RAB39A: variants seen among roughly 807,000 people sequenced by gnomAD.
RAB39A encodes the protein RAB39A, member RAS oncogene family, also known as ras-related protein Rab-39A.
Under a neutral mutation model 20.9 loss-of-function variants are expected in RAB39A, and 17 were observed. That is an observed-to-expected ratio of 0.81 (90% CI 0.56 to 1.22). The LOEUF (loss-of-function observed/expected upper bound fraction) is 1.22, where lower values mean the gene tolerates loss of function less well. RAB39A is among the 50% of genes most tolerant of loss of function. The pLI, the probability that RAB39A is intolerant of heterozygous loss-of-function variation, is 0.00. For missense variants in RAB39A, 234 were observed against 270.5 expected, an observed-to-expected ratio of 0.87 and a Z score of 0.95; for synonymous variants, 99 against 103.4, an observed-to-expected ratio of 0.96 and a Z score of 0.26.
At chr11:107,937,248 C>T (rs1457141141) in intron 1 of RAB39A, among the ~76,000 whole-genome samples, 2 of 151,772 alleles carry the variant, frequency 1.3e-5, no homozygotes, top group African/African-American at 2.4e-5. Context: ...GATCCTCTTA[C>T]CTTAGCCTCC....
At chr11:107,937,998 TCA>T (rs1190436955) in intron 1 of RAB39A, among the ~76,000 whole-genome samples, 5 of 152,156 alleles carry the variant, frequency 3.3e-5, no homozygotes, top group African/African-American at 9.6e-5. Context: ...AAAGAGAAAT[TCA>T]CAGAGAAGGG....
intron 1 of RAB39A, among the ~76,000 whole-genome samples, chr11:107,938,128 C>T (rs1258605896): frequency 2.6e-5 from 4 of 151,610 alleles, no homozygotes; most frequent in South Asian, 2.1e-4. Flanking sequence ...TTTGGGAGGC[C>T]GAGCCGGGCG....
At chr11:107,944,442 T>C (rs1161537394) in intron 1 of RAB39A, among the ~76,000 whole-genome samples, 4 of 152,144 alleles carry the variant, frequency 2.6e-5, no homozygotes, top group South Asian at 2.1e-4. Flanking sequence ...CACAGACTTA[T>C]AGCAAAGAAA....
Position 107,962,036 on chromosome 11 carries a change from T to C in RAB39A, c.318T>C (p.Asp106=), listed in dbSNP as rs1227919225. The C allele has an allele frequency of 1.9e-6, 3 of 1,614,098 alleles. No individual in the cohort carries two copies. Residue 106 remains aspartate (D), a synonymous_variant, in exon 2 of 2, where the codon GAT becomes GAC. Coordinates refer to ENST00000320578, the MANE Select transcript of RAB39A (RefSeq NM_017516.3). ...GACGATCTTTTGAACATGTGAAAGA[T>C]TGGCTAGAAGAAGCAAAAATGTATG... The part of the protein sequence containing the change: ...TNRRSFEHVK[D]WLEEAKMYVQ...
At chr11:107,948,730 G>A (rs973648705) in intron 1 of RAB39A, among the ~76,000 whole-genome samples, 2 of 152,004 alleles carry the variant, frequency 1.3e-5, no homozygotes, top group Non-Finnish European at 2.9e-5. Context: ...GTGAGCCACC[G>A]CGCCCAGCTA....
chr11:107,946,394 A>ATGTGTG (rs1421648814), intron 1 of RAB39A, among the ~76,000 whole-genome samples: 4 of 38,446 alleles, frequency 1.0e-4, no homozygotes, highest in Non-Finnish European at 2.1e-4. Flanking sequence ...GTGGGTGTAT[A>ATGTGTG]TATGTGTGTG....
chr11:107,944,110 T>A (rs1422846227), intron 1 of RAB39A, among the ~76,000 whole-genome samples: 3 of 150,332 alleles, frequency 2.0e-5, no homozygotes, highest in Non-Finnish European at 4.4e-5. Flanking sequence ...AAAAAAAAAA[T>A]AATAATAGTA....
intron 1 of RAB39A, among the ~76,000 whole-genome samples, chr11:107,947,807 CAAAAAAAAA>C (rs35694249): frequency 2.2e-4 from 18 of 80,218 alleles, no homozygotes; most frequent in Admixed American, 3.8e-4. Flanking sequence ...CATCAACAGG[CAAAAAAAAA>C]AAAAAAAAAA....
At chr11:107,938,891 A>C (rs1157515724) in intron 1 of RAB39A, among the ~76,000 whole-genome samples, 1 of 152,090 alleles carries the variant, frequency 6.6e-6, no homozygotes, top group Non-Finnish European at 1.5e-5. Flanking sequence ...TTCTCCAATA[A>C]ATTAATTGGT....
intron 1 of RAB39A, among the ~76,000 whole-genome samples, chr11:107,941,064 G>A (rs1861253341): frequency 6.6e-6 from 1 of 152,070 alleles, no homozygotes; most frequent in Non-Finnish European, 1.5e-5. Flanking sequence ...AAGACATTAT[G>A]AAGAAAGATT....
intron 1 of RAB39A, among the ~76,000 whole-genome samples, chr11:107,960,840 GCAAA>G (rs1861489258): frequency 6.6e-6 from 1 of 152,164 alleles, no homozygotes; most frequent in Admixed American, 6.5e-5. Flanking sequence ...CCCAGCAGAA[GCAAA>G]CAGAGGGATA....
At chr11:107,957,987 G>C (rs1419574121) in intron 1 of RAB39A, among the ~76,000 whole-genome samples, 2 of 151,996 alleles carry the variant, frequency 1.3e-5, no homozygotes, top group African/African-American at 4.8e-5. Context: ...TGCCTCCTGG[G>C]TTCAAGCAAT....
rs1474145336 is a variant in RAB39A at position 107,928,970 on chromosome 11, T to G, written c.227+175T>G. ...TGCCCCTCCTCTTCCAGGGACGACT[T>G]CCTCCTCCGCAATTTCTCACTTCTT... On this transcript the variant is annotated intron_variant, in intron 1 of 1. Transcript: ENST00000320578. The surrounding 1 kb of genome is among the most constrained non-coding windows in gnomAD (Gnocchi z 4.9). Among the ~76,000 whole-genome samples the G allele has an allele frequency of 6.6e-6, 1 of 151,874 alleles. No homozygotes were observed. The highest frequency in any genetic ancestry group is 2.4e-5 in the African/African-American group (1 of 41,324).
intron 1 of RAB39A, 49 bp from the exon 2 acceptor site, chr11:107,961,897 A>G: frequency 7.0e-7 from 1 of 1,424,830 alleles, no homozygotes; most frequent in South Asian, 1.3e-5. Context: ...GAAGGAGAAG[A>G]AAAAGAACAA....
At chr11:107,942,620 C>T (rs1861270905) in intron 1 of RAB39A, among the ~76,000 whole-genome samples, 1 of 152,136 alleles carries the variant, frequency 6.6e-6, no homozygotes, top group Non-Finnish European at 1.5e-5. Flanking sequence ...TACCAACACT[C>T]AGCCTCATTT....
At chr11:107,929,065 C>T (rs1480660998) in intron 1 of RAB39A, among the ~76,000 whole-genome samples, 1 of 152,212 alleles carries the variant, frequency 6.6e-6, no homozygotes, top group African/African-American at 2.4e-5. Flanking sequence ...TCGTCCTCGC[C>T]GCCCCCTCTT....
chr11:107,943,488 G>A (rs954985486), intron 1 of RAB39A, among the ~76,000 whole-genome samples: 10 of 150,290 alleles, frequency 6.7e-5, no homozygotes, highest in African/African-American at 2.2e-4. Flanking sequence ...GCAGAATGGC[G>A]TGAACCTGGG....
chr11:107,933,542 G>A (rs181522294), intron 1 of RAB39A, among the ~76,000 whole-genome samples: 151 of 151,242 alleles, frequency 1.0e-3, no homozygotes, highest in Non-Finnish European at 1.6e-3. Flanking sequence ...ACAGCACCTG[G>A]CCAATTTTTG....
rs1565464307 is a variant in RAB39A at position 107,946,454 on chromosome 11, ATATATATTTT to A, written c.228-15490_228-15481del. Among the ~76,000 whole-genome samples the A allele has an allele frequency of 5.5e-4, 34 of 61,914 alleles. 1 individual carries two copies. The highest frequency in any genetic ancestry group is 7.9e-4 in the African/African-American group (13 of 16,462). 40.6% of individuals were successfully genotyped at this position (61,914 alleles called of 152,430 possible). A position where few individuals can be genotyped will look rare whatever the true frequency, so the allele number is the denominator to read the frequency against. ...TGTGTGTGTATATATATATATATAT[ATATATATTTT>A]TTTTTTTTTTTTTTTTTTTTTTTTT... On this transcript the variant is annotated intron_variant, in intron 1 of 1. Coordinates refer to ENST00000320578, the MANE Select transcript of RAB39A (RefSeq NM_017516.3).
Sources: gnomAD v4.1 joint callset for allele counts (sites outside exome capture counted in the v4.1 genomes callset) on GRCh38, gnomAD v4.1.1 for gene constraint, Gnocchi (gnomAD v3.1) non-coding constraint, MANE v1.5 for transcripts, NCBI Gene and HGNC (gene_info 2026-07-23, HGNC 2026-07-21) for gene names.